CSTPP1: variants seen among roughly 807,000 people sequenced by gnomAD.
The protein encoded by CSTPP1 is centriolar satellite-associated tubulin polyglutamylase complex regulator 1.
At chr11:46,989,954 A>G in the CSTPP1 span, among the ~76,000 whole-genome samples, 1 of 152,344 alleles carries the variant, frequency 6.6e-6, no homozygotes, top group South Asian at 2.1e-4. Flanking sequence ...AGCTCCATCC[A>G]TGTTGCTACA....
chr11:46,977,265 TA>T, the CSTPP1 span, among the ~76,000 whole-genome samples: 1 of 152,182 alleles, frequency 6.6e-6, no homozygotes, highest in African/African-American at 2.4e-5. Context: ...GCACTAGGGT[TA>T]ACAGAAAATG....
At chr11:46,948,585 T>TA in the CSTPP1 span, among the ~76,000 whole-genome samples, 5 of 150,630 alleles carry the variant, frequency 3.3e-5, no homozygotes, top group Admixed American at 6.6e-5. Context: ...GATGGCTACA[T>TA]AAAAAAAAAG....
chr11:46,957,519 C>G, the CSTPP1 span, among the ~76,000 whole-genome samples: 37 of 152,278 alleles, frequency 2.4e-4, no homozygotes, highest in Middle Eastern at 3.4e-3. Flanking sequence ...ATTTTTAAAG[C>G]ATTTCTCCCC....
At chr11:47,000,772 C>T in the CSTPP1 span, among the ~76,000 whole-genome samples, 7 of 152,042 alleles carry the variant, frequency 4.6e-5, no homozygotes, top group African/African-American at 1.4e-4. Context: ...GGGTAATAAT[C>T]AATAAACAAG....
chr11:46,991,313 T>C, the CSTPP1 span, among the ~76,000 whole-genome samples: 1 of 152,118 alleles, frequency 6.6e-6, no homozygotes, highest in Admixed American at 6.5e-5. Flanking sequence ...CCTAGCTCTT[T>C]TGCTGAACTC....
At chr11:46,970,699 A>C in the CSTPP1 span, among the ~76,000 whole-genome samples, 1 of 152,256 alleles carries the variant, frequency 6.6e-6, no homozygotes, top group South Asian at 2.1e-4. Flanking sequence ...AAAATGACAG[A>C]ATAAGGACGA....
the CSTPP1 span, among the ~76,000 whole-genome samples, chr11:47,073,991 T>C: frequency 6.6e-6 from 1 of 152,200 alleles, no homozygotes; most frequent in East Asian, 1.9e-4. Context: ...TGGCTTTTCA[T>C]ATAGTCTTTT....
chr11:47,052,439 C>T, the CSTPP1 span: 30 of 1,614,068 alleles, frequency 1.9e-5, no homozygotes, highest in South Asian at 2.2e-5. Context: ...AATTCAGCTT[C>T]GTCCAAGCCA....
chr11:47,019,535 T>C, the CSTPP1 span, among the ~76,000 whole-genome samples: 37 of 152,126 alleles, frequency 2.4e-4, no homozygotes, highest in African/African-American at 8.0e-4. Context: ...TTCAATACCA[T>C]TGTAGCTCAG....
chr11:47,082,301 G>A, the CSTPP1 span, among the ~76,000 whole-genome samples: 1 of 151,842 alleles, frequency 6.6e-6, no homozygotes, highest in Non-Finnish European at 1.5e-5. Flanking sequence ...GATATATTTT[G>A]TTGCAGAAAG....
At chr11:46,991,964 C>A in the CSTPP1 span, among the ~76,000 whole-genome samples, 2 of 152,170 alleles carry the variant, frequency 1.3e-5, no homozygotes, top group African/African-American at 4.8e-5. Flanking sequence ...TTGTCTTGAA[C>A]TCCTGGCCTC....
chr11:47,038,108 C>T, the CSTPP1 span, among the ~76,000 whole-genome samples: 1,867 of 56,634 alleles, frequency 0.033, 259 homozygotes, highest in Non-Finnish European at 0.067. Flanking sequence ...GGGGGCTGAC[C>T]CCCCCACCTC....
chr11:47,057,846 C>G, the CSTPP1 span, among the ~76,000 whole-genome samples: 1 of 152,170 alleles, frequency 6.6e-6, no homozygotes. Context: ...AAACTTCTAC[C>G]AGCCATAGGG....
the CSTPP1 span, chr11:47,161,438 C>T: frequency 1.2e-6 from 2 of 1,612,314 alleles, no homozygotes; most frequent in East Asian, 2.2e-5. Context: ...CCTCTCGCTG[C>T]CCTCCAGGCT....
chr11:47,161,142 A>C, the CSTPP1 span: 2 of 1,614,172 alleles, frequency 1.2e-6, no homozygotes, highest in Non-Finnish European at 1.7e-6. Flanking sequence ...TTGCCTGACA[A>C]GGGGGATCTG....
chr11:46,989,820 A>G, the CSTPP1 span, among the ~76,000 whole-genome samples: 1 of 151,070 alleles, frequency 6.6e-6, no homozygotes, highest in Non-Finnish European at 1.5e-5. Flanking sequence ...CTAGCAGTCC[A>G]CAGTGTCTGT....
At chr11:47,008,564 C>T in the CSTPP1 span, among the ~76,000 whole-genome samples, 1 of 151,626 alleles carries the variant, frequency 6.6e-6, no homozygotes, top group African/African-American at 2.4e-5. Context: ...TACTCTCAAA[C>T]TCCAGTCCTC....
the CSTPP1 span, among the ~76,000 whole-genome samples, chr11:47,059,136 G>A: frequency 2.6e-5 from 4 of 152,138 alleles, no homozygotes; most frequent in Non-Finnish European, 5.9e-5. Flanking sequence ...AGTGGGAGTT[G>A]AACAATGAGA....
chr11:47,107,373 T>C, the CSTPP1 span, among the ~76,000 whole-genome samples: 2 of 152,188 alleles, frequency 1.3e-5, no homozygotes, highest in Non-Finnish European at 2.9e-5. Flanking sequence ...CTCACTGTAG[T>C]ATAAAGGTCT....
Sources: gnomAD v4.1 joint callset for allele counts (sites outside exome capture counted in the v4.1 genomes callset) on GRCh38, gnomAD v4.1.1 for gene constraint, MANE v1.5 for transcripts, NCBI Gene and HGNC (gene_info 2026-07-23, HGNC 2026-07-21) for gene names.